LAPTM4B: variants seen among roughly 807,000 people sequenced by gnomAD.
LAPTM4B encodes lysosomal protein transmembrane 4 beta, also known as lysosomal-associated transmembrane protein 4B.
In LAPTM4B, 26 loss-of-function variants were observed where a neutral mutation model predicts 28.5. That is an observed-to-expected ratio of 0.91 (90% CI 0.67 to 1.27). LAPTM4B has a LOEUF of 1.27. Among genes scored for constraint, LAPTM4B ranks in the 50% most tolerant of loss-of-function variants. LAPTM4B has a pLI of 0.00. For synonymous variants in LAPTM4B, 109 were observed against 106.4 expected, an observed-to-expected ratio of 1.02 and a Z score of -0.15; for missense variants, 288 against 285.8, an observed-to-expected ratio of 1.01 and a Z score of -0.06.
chr8:97,833,163 G>A (rs1390193510), intron 6 of LAPTM4B, among the ~76,000 whole-genome samples: 5 of 151,844 alleles, frequency 3.3e-5, no homozygotes, highest in African/African-American at 7.2e-5. Flanking sequence ...GTGAAAACCC[G>A]TTACTCCTAA....
At chr8:97,805,103 G>A (rs1816739339) in intron 1 of LAPTM4B, among the ~76,000 whole-genome samples, 1 of 152,168 alleles carries the variant, frequency 6.6e-6, no homozygotes, top group African/African-American at 2.4e-5. Flanking sequence ...GGGGGAATGA[G>A]GTAAAATCCT....
At chr8:97,816,207 T>C in intron 4 of LAPTM4B, 27 bp downstream of exon 4, 1 of 1,593,084 alleles carries the variant, frequency 6.3e-7, no homozygotes, top group Non-Finnish European at 8.5e-7. Context: ...CTGCTCCTTT[T>C]CATTAATTCT....
intron 2 of LAPTM4B, among the ~76,000 whole-genome samples, chr8:97,813,539 C>T (rs575705735): frequency 2.0e-5 from 3 of 152,362 alleles, no homozygotes; most frequent in Non-Finnish European, 2.9e-5. Context: ...TACTTTGCAT[C>T]CTTCAGTCCA....
intron 6 of LAPTM4B, among the ~76,000 whole-genome samples, chr8:97,828,260 T>C (rs1471323288): frequency 1.3e-5 from 2 of 152,050 alleles, no homozygotes; most frequent in African/African-American, 2.4e-5. Flanking sequence ...CAAGCGGGAT[T>C]AGGGGTGGCG....
At chr8:97,801,631 G>A (rs950412493) in intron 1 of LAPTM4B, among the ~76,000 whole-genome samples, 5 of 151,998 alleles carry the variant, frequency 3.3e-5, no homozygotes, top group African/African-American at 1.2e-4. Context: ...TGAGGCAGGC[G>A]GATCACTTGA....
In LAPTM4B at chr8:97,777,725, A is replaced by G. The variant is rs578182083; in HGVS notation, c.99+1617A>G. Among the ~76,000 whole-genome samples, 9 of 152,344 alleles carry G rather than the reference A, an allele frequency of 5.9e-5. No individual in the cohort carries two copies. In the South Asian group the frequency reaches 1.9e-3, roughly 32 times the overall value. On this transcript the variant is annotated intron_variant, in intron 1 of 6. Transcript: ENST00000521545. Reference sequence around the variant, plus strand: ...TAGCGTGTGTGGGTTCTTACTGTGCAGTGTAAATACAGATGGAACATCAGC... The same window carrying G: ...TAGCGTGTGTGGGTTCTTACTGTGCGGTGTAAATACAGATGGAACATCAGC...
In LAPTM4B at chr8:97,818,614, G is replaced by A. The variant is rs558416249; in HGVS notation, c.409-526G>A. Reference sequence around the variant, plus strand: ...AGTATAAGAGAATATGCTGTCTTGGGAGAAGTACCATCAACAAAAATGCTC... The same window carrying A: ...AGTATAAGAGAATATGCTGTCTTGGAAGAAGTACCATCAACAAAAATGCTC... On this transcript the variant is annotated intron_variant, in intron 4 of 6. Transcript: ENST00000521545. Among the ~76,000 whole-genome samples the A allele has an allele frequency of 8.5e-5, 13 of 152,304 alleles. 1 individual carries two copies. In the South Asian group the frequency reaches 2.7e-3, roughly 32 times the overall value.
intron 6 of LAPTM4B, among the ~76,000 whole-genome samples, chr8:97,834,310 A>T (rs1817229258): frequency 6.6e-6 from 1 of 152,142 alleles, no homozygotes; most frequent in Non-Finnish European, 1.5e-5. Context: ...TAAAAAATAA[A>T]AAAGGGAGCG....
In LAPTM4B at chr8:97,805,394, G is replaced by A. The variant is rs2129771009; in HGVS notation, c.141G>A (p.Leu47=). Residue 47 remains leucine, a synonymous_variant, in exon 2 of 7, where the codon CTG becomes CTA. Transcript: ENST00000521545. ...AVVLLILLSA[L]ADPDQYNFSS... ...TACTGTTGATTTTATTGAGTGCCCT[G>A]GCTGATCCGGATCAGTATAACTTTT... is the stretch of plus-strand genomic sequence containing the variant. The A allele has an allele frequency of 1.2e-6, 2 of 1,607,110 alleles. No homozygotes were observed. The highest frequency in any genetic ancestry group is 2.2e-5 in the South Asian group (2 of 90,880).
chr8:97,847,398 C>G (rs935480295), intron 6 of LAPTM4B, among the ~76,000 whole-genome samples: 2 of 152,194 alleles, frequency 1.3e-5, no homozygotes, highest in African/African-American at 2.4e-5. Flanking sequence ...AGAAATAGGA[C>G]ATGACCTATA....
At chr8:97,826,784 C>T (rs1467810930) in intron 6 of LAPTM4B, among the ~76,000 whole-genome samples, 2 of 152,228 alleles carry the variant, frequency 1.3e-5, no homozygotes, top group Non-Finnish European at 1.5e-5. Flanking sequence ...GCCAGGATTA[C>T]AGATGTGAGC....
chr8:97,787,593 T>C (rs1402601190), intron 1 of LAPTM4B, among the ~76,000 whole-genome samples: 1 of 152,212 alleles, frequency 6.6e-6, no homozygotes, highest in East Asian at 1.9e-4. Context: ...CGATTTCTTT[T>C]AACAGATACA....
intron 6 of LAPTM4B, among the ~76,000 whole-genome samples, chr8:97,841,684 A>G (rs1817351943): frequency 1.3e-5 from 2 of 152,176 alleles, no homozygotes; most frequent in African/African-American, 4.8e-5. Context: ...AAATGCCCAA[A>G]TAACTCTGTG....
At chr8:97,778,931 C>A (rs1375336489) in intron 1 of LAPTM4B, among the ~76,000 whole-genome samples, 2 of 152,086 alleles carry the variant, frequency 1.3e-5, no homozygotes, top group Non-Finnish European at 2.9e-5. Context: ...TTTTCTTGAA[C>A]TTTTTTAAGA....
intron 6 of LAPTM4B, among the ~76,000 whole-genome samples, chr8:97,837,955 T>C (rs923767367): frequency 1.3e-5 from 2 of 152,248 alleles, no homozygotes; most frequent in African/African-American, 4.8e-5. Context: ...CATTTTCTTT[T>C]CTTTTGATTT....
chr8:97,780,290 G>A (rs995446385), intron 1 of LAPTM4B, among the ~76,000 whole-genome samples: 3 of 151,776 alleles, frequency 2.0e-5, no homozygotes, highest in African/African-American at 7.3e-5. Flanking sequence ...AGTGGGGCGT[G>A]GTGGCACGTG....
intron 6 of LAPTM4B, among the ~76,000 whole-genome samples, chr8:97,849,877 C>T (rs1334366666): frequency 6.8e-6 from 1 of 147,986 alleles, no homozygotes; most frequent in East Asian, 2.0e-4. Flanking sequence ...TGGCAGTGCT[C>T]CCCAGGGCCC....
chr8:97,810,398 T>G (rs545807529), intron 2 of LAPTM4B, among the ~76,000 whole-genome samples: 1 of 151,550 alleles, frequency 6.6e-6, no homozygotes, highest in African/African-American at 2.4e-5. Context: ...TAATTAACAG[T>G]GTTGTACCAA....
Position 97,825,172 on chromosome 8 carries a change from A to G in LAPTM4B, c.603+19A>G, listed in dbSNP as rs191369143. ...CACTACGGTAGGTATGATGTCACTT[A>G]TGGTAGAGATCTCGCCCACACCTTT... On this transcript the variant is annotated intron_variant, in intron 6 of 6. Transcript: ENST00000521545. 2.3e-6 allele frequency: 3 copies of G among 1,288,824 alleles called. No homozygotes were observed. The highest frequency in any genetic ancestry group is 2.4e-5 in the South Asian group (2 of 83,620). 79.8% of individuals were successfully genotyped at this position (1,288,824 alleles called of 1,614,324 possible). A position where few individuals can be genotyped will look rare whatever the true frequency, so the allele number is the denominator to read the frequency against.
Sources: gnomAD v4.1 joint callset for allele counts (sites outside exome capture counted in the v4.1 genomes callset) on GRCh38, gnomAD v4.1.1 for gene constraint, MANE v1.5 for transcripts, NCBI Gene and HGNC (gene_info 2026-07-23, HGNC 2026-07-21) for gene names.